The following CREB5 variants were observed in gnomAD, a reference collection of about 807,000 sequenced individuals.
CREB5 encodes the protein cAMP responsive element binding protein 5.
In CREB5, 19 loss-of-function variants were observed where a neutral mutation model predicts 57.1. That is an observed-to-expected ratio of 0.33 (90% CI 0.23 to 0.49). The LOEUF (loss-of-function observed/expected upper bound fraction) is 0.49, where lower values mean the gene tolerates loss of function less well. CREB5 is among the 20% of genes least tolerant of loss of function. CREB5 has a pLI of 0.99. For missense variants in CREB5, 579 were observed against 671.6 expected (o/e 0.86, Z 1.52); for synonymous variants, 238 against 238.3 (o/e 1.00, Z 0.01).
rs190949828 is a variant in CREB5, at chr7:28,302,932, G to A, written c.-25+3491G>A. On this transcript the variant is annotated intron_variant, in intron 1 of 9. Transcript: ENST00000396299. ...GCAATGCTGTTCACAGAATGATGGC[G>A]GAATATAGGGTTGCTCTCCCATCAC... Among the ~76,000 whole-genome samples, 10 of 152,184 alleles carry A rather than the reference G, an allele frequency of 6.6e-5. No homozygotes were observed. The South Asian group carries it at 1.2e-3, about 19-fold the overall frequency.
chr7:28,411,973 A>G (rs1216835571), upstream of CREB5, among the ~76,000 whole-genome samples: 1 of 152,242 alleles, frequency 6.6e-6, no homozygotes, highest in African/African-American at 2.4e-5. Context: ...TGGCCCAGTC[A>G]TGGGCACTGG....
At chr7:28,570,117 A>C (rs908506253) in intron 4 of CREB5, among the ~76,000 whole-genome samples, 3 of 152,224 alleles carry the variant, frequency 2.0e-5, no homozygotes, top group African/African-American at 4.8e-5. Flanking sequence ...TCACATCAGG[A>C]TGGCAGCAGA....
intron 5 of CREB5, among the ~76,000 whole-genome samples, chr7:28,699,990 T>C (rs746488189): frequency 3.9e-5 from 6 of 152,220 alleles, no homozygotes; most frequent in Non-Finnish European, 7.3e-5. Context: ...TATATGTATA[T>C]AGTTCCCAAT....
chr7:28,534,659 T>C (rs4722808), intron 4 of CREB5, among the ~76,000 whole-genome samples: 120,459 of 148,858 alleles, frequency 0.81, 48,233 homozygotes, highest in East Asian at 0.93. Flanking sequence ...CTCTTTCATT[T>C]ACCTTACTTT....
At chr7:28,556,668 T>A (rs1487348798) in intron 4 of CREB5, among the ~76,000 whole-genome samples, 1 of 152,188 alleles carries the variant, frequency 6.6e-6, no homozygotes, top group African/African-American at 2.4e-5. Flanking sequence ...GTACTGGGTA[T>A]TTTCTGATCA....
At chr7:28,600,922 C>A (rs770283619) in intron 5 of CREB5, among the ~76,000 whole-genome samples, 5 of 152,170 alleles carry the variant, frequency 3.3e-5, no homozygotes, top group Admixed American at 3.3e-4. Context: ...GCCTCTTTGG[C>A]TTCCCTGCCC....
intron 7 of CREB5, among the ~76,000 whole-genome samples, chr7:28,775,750 C>T (rs769621405): frequency 2.0e-5 from 3 of 151,806 alleles, no homozygotes; most frequent in Non-Finnish European, 4.4e-5. Flanking sequence ...TCTTGGTGTA[C>T]ATTTAAGGTA....
intron 4 of CREB5, among the ~76,000 whole-genome samples, chr7:28,537,735 T>G (rs1244059907): frequency 1.3e-5 from 2 of 152,246 alleles, no homozygotes; most frequent in Non-Finnish European, 2.9e-5. Flanking sequence ...GAGTCTGTCA[T>G]GAGAAAGGAG....
chr7:28,692,489 C>A (rs1801328701), intron 5 of CREB5, among the ~76,000 whole-genome samples: 1 of 152,196 alleles, frequency 6.6e-6, no homozygotes, highest in Non-Finnish European at 1.5e-5. Context: ...CTGAAAAGAG[C>A]ATGGCCTTTG....
At chr7:28,745,532 G>C (rs1271103046) in intron 7 of CREB5, among the ~76,000 whole-genome samples, 2 of 152,338 alleles carry the variant, frequency 1.3e-5, no homozygotes, top group Admixed American at 6.5e-5. Flanking sequence ...CTGTGTCAGT[G>C]ATATGATCCT....
intron 1 of CREB5, among the ~76,000 whole-genome samples, chr7:28,471,524 C>A (rs549963026): frequency 1.6e-4 from 24 of 152,272 alleles, no homozygotes; most frequent in Non-Finnish European, 2.9e-4. Flanking sequence ...CCCATATACT[C>A]TAAAACACTA....
rs775713366 is a variant in CREB5, at chr7:28,412,871, G to C, written c.-44G>C. On this transcript the variant is annotated 5_prime_UTR_variant, in exon 1 of 11. Transcript: ENST00000357727. ...AGAAAGGAAGAAAAAACTTGATTTG[G>C]TGACTGCAGGAAGCAACACGTTGCT... 2.1e-6 allele frequency: 3 copies of C among 1,456,390 alleles called. No individual in the cohort carries two copies. The South Asian group carries it at 5.0e-5, about 24-fold the overall frequency. 90.2% of individuals were successfully genotyped at this position (1,456,390 alleles called of 1,614,324 possible). A position where few individuals can be genotyped will look rare whatever the true frequency, so the allele number is the denominator to read the frequency against.
intron 5 of CREB5, among the ~76,000 whole-genome samples, chr7:28,691,076 G>A (rs1801229074): frequency 6.6e-6 from 1 of 152,150 alleles, no homozygotes; most frequent in South Asian, 2.1e-4. Context: ...GTGAGATGGA[G>A]GTGAGTGAAT....
intron 5 of CREB5, among the ~76,000 whole-genome samples, chr7:28,712,295 G>T (rs1255560936): frequency 5.3e-5 from 8 of 151,904 alleles, no homozygotes; most frequent in Admixed American, 6.6e-5. Flanking sequence ...ATCACTTGAG[G>T]TCAAGAGTTC....
chr7:28,637,806 G>T (rs1237436618), intron 5 of CREB5, among the ~76,000 whole-genome samples: 2 of 152,042 alleles, frequency 1.3e-5, no homozygotes, highest in Non-Finnish European at 2.9e-5. Flanking sequence ...ATAAAATATT[G>T]GTTTAAACAA....
At chr7:28,611,954 GTAAT>G (rs781415968) in intron 5 of CREB5, among the ~76,000 whole-genome samples, 47 of 152,112 alleles carry the variant, frequency 3.1e-4, no homozygotes, top group Non-Finnish European at 5.0e-4. Context: ...GGAAAAGTAA[GTAAT>G]ACTTTCTCAT....
intron 7 of CREB5, among the ~76,000 whole-genome samples, chr7:28,734,145 G>A (rs1419905711): frequency 7.6e-6 from 1 of 131,710 alleles, no homozygotes; most frequent in Non-Finnish European, 1.5e-5. Context: ...GGCCTTACAT[G>A]AAATGCTTTA....
chr7:28,668,494 A>G (rs916133462), intron 5 of CREB5, among the ~76,000 whole-genome samples: 2 of 152,198 alleles, frequency 1.3e-5, no homozygotes, highest in Admixed American at 6.5e-5. Flanking sequence ...ATACGATGAC[A>G]AAAGAATTGC....
At chr7:28,530,308 G>C (rs1026901922) in intron 4 of CREB5, among the ~76,000 whole-genome samples, 4 of 152,214 alleles carry the variant, frequency 2.6e-5, no homozygotes, top group Non-Finnish European at 5.9e-5. Flanking sequence ...ACATGCTGCT[G>C]TGTGCAGCTT....
Sources: allele counts gnomAD v4.1 joint callset (sites outside exome capture counted in the v4.1 genomes callset), GRCh38; gene constraint gnomAD v4.1.1; transcripts MANE v1.5; gene names NCBI Gene and HGNC (gene_info 2026-07-23, HGNC 2026-07-21).